Variants in NALCN observed in about 807,000 individuals in gnomAD.
NALCN encodes the protein sodium leak channel, non-selective.
NALCN carries 111 observed loss-of-function variants against 225.3 expected under a neutral mutation model. That is an observed-to-expected ratio of 0.49 (90% confidence interval 0.42 to 0.58). The LOEUF is 0.58. NALCN is among the 20% of genes least tolerant of loss of function. The probability of loss-of-function intolerance (pLI) is 0.00; values close to 1 mark genes in which losing one functional copy is unlikely to be tolerated. For missense variants in NALCN, 1,378 were observed against 2,202.4 expected, an observed-to-expected ratio of 0.63 and a Z score of 7.49; for synonymous variants, 764 against 769.0, an observed-to-expected ratio of 0.99 and a Z score of 0.11.
chr13:101,280,139 C>T (rs1047472608), intron 10 of NALCN, among the ~76,000 whole-genome samples: 1 of 152,132 alleles, frequency 6.6e-6, no homozygotes, highest in African/African-American at 2.4e-5. Flanking sequence ...CTGCCCGGTA[C>T]AAACAGATAA....
chr13:101,242,355 G>A (rs947600242), intron 11 of NALCN, among the ~76,000 whole-genome samples: 1 of 104,058 alleles, frequency 9.6e-6, no homozygotes, highest in African/African-American at 3.5e-5. Context: ...TAATTTGGAC[G>A]CTCGACTTGG....
Position 101,068,800 on chromosome 13 carries a change from C to T in NALCN, c.4225G>A (p.Glu1409Lys). The change falls in exon 38 of 44, where the codon GAA (glutamate) becomes AAA (lysine). Residue 1409 changes from glutamate (E) to lysine (K), a missense_variant. Glu to Lys is a moderately conservative substitution (Grantham distance 56). Around this residue, in one of 19 missense-constraint regions of NALCN, gnomAD observed 76 missense variants for 118.7 expected, o/e 0.64. Transcript: ENST00000251127. The part of the protein sequence containing the change: ...MVQPPFCTPD[E>K]FTYWATDCGN... The stretch of plus-strand genomic sequence containing the variant: ...CAGTCTGTTGCCCAGTATGTAAATT[C>T]ATCTGGAGTACAAAACGGAGGCTGA... The T allele has an allele frequency of 6.2e-7, 1 of 1,611,110 alleles. No homozygotes were observed. The highest frequency in any genetic ancestry group is 1.1e-5 in the South Asian group (1 of 90,234).
intron 17 of NALCN, among the ~76,000 whole-genome samples, chr13:101,140,659 C>T (rs1251625383): frequency 6.6e-6 from 1 of 152,250 alleles, no homozygotes; most frequent in East Asian, 1.9e-4. Context: ...AAGGCACTAT[C>T]TTCCCACTTG....
chr13:101,136,448 TC>T (rs1173561076), intron 17 of NALCN, among the ~76,000 whole-genome samples: 1 of 127,638 alleles, frequency 7.8e-6, no homozygotes. Context: ...ATACTATCCC[TC>T]CCCCCTCCCC....
At chr13:101,367,118 T>G (rs939895975) in intron 6 of NALCN, among the ~76,000 whole-genome samples, 2 of 151,718 alleles carry the variant, frequency 1.3e-5, no homozygotes, top group Non-Finnish European at 2.9e-5. Context: ...AATTTCTTTT[T>G]TTATTTTTTT....
intron 13 of NALCN, among the ~76,000 whole-genome samples, chr13:101,218,272 G>A (rs948975519): frequency 1.3e-5 from 2 of 152,140 alleles, no homozygotes; most frequent in African/African-American, 4.8e-5. Context: ...CACTGTATGA[G>A]TTTGCTAGGG....
Position 101,080,687 on chromosome 13 carries a change from TAC to T in NALCN, c.3885+838_3885+839del, listed in dbSNP as rs894215377. Among the ~76,000 whole-genome samples, 58 of 146,800 alleles carry T rather than the reference TAC, an allele frequency of 4.0e-4. 1 individual carries two copies. The highest frequency in any genetic ancestry group is 1.4e-3 in the African/African-American group (57 of 40,590). On this transcript the variant is annotated intron_variant, in intron 34 of 43. Transcript: ENST00000251127. ...TATATAAATAATAAAAATATATACA[TAC>T]ACATACACATAATGCATCTTTTAAT...
chr13:101,115,259 G>GA (rs554438391), intron 18 of NALCN, among the ~76,000 whole-genome samples: 45 of 147,678 alleles, frequency 3.0e-4, no homozygotes, highest in African/African-American at 8.9e-4. Flanking sequence ...AGACAGTAAT[G>GA]AAAAAAAAAA....
intron 43 of NALCN, chr13:101,057,005 G>A (rs1198833001): frequency 1.3e-5 from 2 of 152,182 alleles, no homozygotes; most frequent in Non-Finnish European, 2.9e-5. Context: ...TATGAAAGGG[G>A]ATACTTTCCT....
chr13:101,322,893 G>C (rs561944466), intron 7 of NALCN, among the ~76,000 whole-genome samples: 2 of 152,034 alleles, frequency 1.3e-5, no homozygotes, highest in Admixed American at 6.6e-5. Flanking sequence ...TGTATTTTTA[G>C]TAGAGACAGG....
At chr13:101,323,768 G>C (rs1337575392) in intron 7 of NALCN, among the ~76,000 whole-genome samples, 1 of 152,178 alleles carries the variant, frequency 6.6e-6, no homozygotes, top group Admixed American at 6.5e-5. Context: ...ATAAGACAGG[G>C]AAACAGTCAC....
chr13:101,062,233 C>T (rs117933139), intron 40 of NALCN, 115 bp from the exon 41 acceptor site: 58 of 1,081,954 alleles, frequency 5.4e-5, no homozygotes, highest in African/African-American at 7.8e-5. Context: ...AGTGTTTTGA[C>T]GCCACCCCTC....
chr13:101,372,553 A>C (rs935721571), intron 6 of NALCN, among the ~76,000 whole-genome samples: 1 of 152,108 alleles, frequency 6.6e-6, no homozygotes. Context: ...TTTTTAGAAA[A>C]TCTCATCCTT....
At chr13:101,076,390 C>T (rs951607804) in intron 34 of NALCN, among the ~76,000 whole-genome samples, 4 of 152,194 alleles carry the variant, frequency 2.6e-5, no homozygotes, top group African/African-American at 9.7e-5. Flanking sequence ...TTCCTCTAAG[C>T]TGATTTCAGA....
chr13:101,374,115 A>G (rs2046616582), intron 6 of NALCN, among the ~76,000 whole-genome samples: 1 of 152,084 alleles, frequency 6.6e-6, no homozygotes, highest in Non-Finnish European at 1.5e-5. Flanking sequence ...TCTTTTAAAA[A>G]TAATTTTGAA....
intron 7 of NALCN, among the ~76,000 whole-genome samples, chr13:101,298,354 C>T (rs922213538): frequency 1.0e-4 from 15 of 149,340 alleles, no homozygotes; most frequent in African/African-American, 3.7e-4. Context: ...CGGTGTCTTG[C>T]TCTGTCACCC....
chr13:101,228,332 G>C (rs1360373631), intron 13 of NALCN, among the ~76,000 whole-genome samples: 2 of 152,066 alleles, frequency 1.3e-5, no homozygotes, highest in Non-Finnish European at 2.9e-5. Flanking sequence ...AAAAATATAT[G>C]TTGTTTTTAC....
chr13:101,177,314 T>C (rs1489272554), intron 14 of NALCN, among the ~76,000 whole-genome samples: 1 of 151,912 alleles, frequency 6.6e-6, no homozygotes, highest in African/African-American at 2.4e-5. Context: ...CCTGGTAGGC[T>C]TCTAATGTGT....
At chr13:101,174,536 G>A (rs2038879083) in intron 15 of NALCN, among the ~76,000 whole-genome samples, 1 of 151,934 alleles carries the variant, frequency 6.6e-6, no homozygotes, top group African/African-American at 2.4e-5. Flanking sequence ...AATGCCTATT[G>A]TGACCACTAG....
Sources: allele counts gnomAD v4.1 joint callset (sites outside exome capture counted in the v4.1 genomes callset), GRCh38; gene constraint gnomAD v4.1.1; regional missense constraint gnomAD v4.1.1; transcripts MANE v1.5; gene names NCBI Gene and HGNC (gene_info 2026-07-23, HGNC 2026-07-21).